SSBP2: variants seen among roughly 807,000 people sequenced by gnomAD.
SSBP2 encodes the protein single-stranded DNA-binding protein 2.
A neutral mutation model predicts 61.8 loss-of-function variants in SSBP2; 17 were observed. That is an observed-to-expected ratio of 0.28 (90% confidence interval 0.19 to 0.41). The LOEUF (loss-of-function observed/expected upper bound fraction) is 0.41, where lower values mean the gene tolerates loss of function less well. SSBP2 is among the 10% of genes least tolerant of loss of function. The pLI is 1.00. For missense variants in SSBP2, 310 were observed against 458.7 expected, an observed-to-expected ratio of 0.68 and a Z score of 2.96; for synonymous variants, 139 against 141.3, an observed-to-expected ratio of 0.98 and a Z score of 0.12.
At chr5:81,428,771 C>T (rs1188251476) in intron 15 of SSBP2, 88 bp from the exon 16 acceptor site, 2 of 857,904 alleles carry the variant, frequency 2.3e-6, no homozygotes, top group Non-Finnish European at 3.8e-6. Flanking sequence ...AAACAGCATC[C>T]CTAAGGACAA....
intron 4 of SSBP2, among the ~76,000 whole-genome samples, chr5:81,562,922 T>C (rs1298067185): frequency 1.3e-5 from 2 of 152,288 alleles, no homozygotes; most frequent in African/African-American, 2.4e-5. Context: ...TGGAGAGATA[T>C]ATAGCTTTCA....
intron 1 of SSBP2, among the ~76,000 whole-genome samples, chr5:81,747,024 G>T (rs933840330): frequency 9.1e-6 from 1 of 110,184 alleles, no homozygotes; most frequent in Non-Finnish European, 2.0e-5. Flanking sequence ...AAAATTCCTG[G>T]GGGGGGGGGG....
At chr5:81,636,440 C>T (rs1191735917) in intron 3 of SSBP2, 117 bp downstream of exon 3, 9 of 810,512 alleles carry the variant, frequency 1.1e-5, no homozygotes, top group Non-Finnish European at 1.6e-5. Context: ...GTGCTACCTT[C>T]CAGAAAATTT....
chr5:81,447,003 C>A (rs965552965), intron 11 of SSBP2, 81 bp from the exon 12 acceptor site: 7 of 972,456 alleles, frequency 7.2e-6, no homozygotes, highest in Non-Finnish European at 1.0e-5. Flanking sequence ...CTATAATAAT[C>A]CAATTTGAAA....
chr5:81,451,436 T>C (rs987705411), intron 10 of SSBP2, among the ~76,000 whole-genome samples: 2 of 152,318 alleles, frequency 1.3e-5, no homozygotes, highest in East Asian at 1.9e-4. Context: ...TCTATTTATT[T>C]ATTTTTTGAG....
chr5:81,447,293 G>C (rs1392268978), intron 11 of SSBP2, among the ~76,000 whole-genome samples: 3 of 152,146 alleles, frequency 2.0e-5, no homozygotes, highest in African/African-American at 7.2e-5. Flanking sequence ...TATTCGCTTA[G>C]AGAATATATT....
At chr5:81,718,123 C>T (rs995704038) in intron 1 of SSBP2, among the ~76,000 whole-genome samples, 1 of 151,950 alleles carries the variant, frequency 6.6e-6, no homozygotes, top group African/African-American at 2.4e-5. Flanking sequence ...GACTTTTAAG[C>T]AAATAACAAG....
intron 5 of SSBP2, among the ~76,000 whole-genome samples, chr5:81,507,074 C>G (rs1348043209): frequency 6.6e-6 from 1 of 151,906 alleles, no homozygotes; most frequent in African/African-American, 2.4e-5. Flanking sequence ...AGCATTAGGT[C>G]AGCTTGCTAC....
intron 3 of SSBP2, chr5:81,616,236 T>A (rs1387257387): frequency 6.7e-6 from 1 of 148,436 alleles, no homozygotes; most frequent in East Asian, 2.0e-4. Context: ...CGCAGGCCAG[T>A]GTGTGTGCGC....
chr5:81,700,391 G>C (rs1159112096), intron 1 of SSBP2, among the ~76,000 whole-genome samples: 1 of 152,194 alleles, frequency 6.6e-6, no homozygotes, highest in African/African-American at 2.4e-5. Flanking sequence ...TAGATGTACT[G>C]TCTTCCAGGC....
At chr5:81,501,387 G>A (rs889761514) in intron 5 of SSBP2, among the ~76,000 whole-genome samples, 3 of 148,306 alleles carry the variant, frequency 2.0e-5, no homozygotes, top group Non-Finnish European at 4.5e-5. Flanking sequence ...AGGTATTTGT[G>A]ATGTCAGAGA....
At chr5:81,709,612 C>G (rs1168749929) in intron 1 of SSBP2, among the ~76,000 whole-genome samples, 1 of 151,696 alleles carries the variant, frequency 6.6e-6, no homozygotes, top group Non-Finnish European at 1.5e-5. Context: ...ATACTCATGT[C>G]TAATTTGAGC....
chr5:81,652,675 G>A (rs1365333018), intron 1 of SSBP2, among the ~76,000 whole-genome samples: 1 of 152,158 alleles, frequency 6.6e-6, no homozygotes, highest in Non-Finnish European at 1.5e-5. Context: ...CAAAAAGGGT[G>A]TCAGGGAGCA....
chr5:81,751,186 G>C, upstream of SSBP2: 2 of 866,124 alleles, frequency 2.3e-6, no homozygotes, highest in Admixed American at 4.5e-5. Context: ...CTTCGCCCAG[G>C]CAACGCGCGA....
intron 4 of SSBP2, among the ~76,000 whole-genome samples, chr5:81,566,722 A>C (rs1773450025): frequency 6.6e-6 from 1 of 152,208 alleles, no homozygotes; most frequent in Admixed American, 6.5e-5. Context: ...AAAATTTAGA[A>C]CTTCATAGAG....
chr5:81,715,469 G>C (rs1755110475), intron 1 of SSBP2, among the ~76,000 whole-genome samples: 1 of 152,112 alleles, frequency 6.6e-6, no homozygotes, highest in African/African-American at 2.4e-5. Context: ...ACATCATTAA[G>C]AACATGAAAT....
chr5:81,702,002 G>C (rs1331118476), intron 1 of SSBP2, among the ~76,000 whole-genome samples: 4 of 151,950 alleles, frequency 2.6e-5, no homozygotes, highest in Admixed American at 6.6e-5. Context: ...TCATTAATAG[G>C]GATTATCTGA....
intron 1 of SSBP2, among the ~76,000 whole-genome samples, chr5:81,666,097 T>G (rs1751112067): frequency 6.6e-6 from 1 of 152,226 alleles, no homozygotes; most frequent in African/African-American, 2.4e-5. Context: ...TTTTTAACAT[T>G]GTCTTTTTTA....
chr5:81,524,508 TC>T (rs1399566624), intron 4 of SSBP2, among the ~76,000 whole-genome samples: 1 of 152,038 alleles, frequency 6.6e-6, no homozygotes, highest in Non-Finnish European at 1.5e-5. Context: ...ATTCTCCCAC[TC>T]CTGCTCCTAA....
Sources: allele counts gnomAD v4.1 joint callset (sites outside exome capture counted in the v4.1 genomes callset), GRCh38; gene constraint gnomAD v4.1.1; transcripts MANE v1.5; gene names NCBI Gene and HGNC (gene_info 2026-07-23, HGNC 2026-07-21).